Variants in COPG2 observed in about 807,000 individuals in gnomAD.
The protein encoded by COPG2 is coat protein complex I subunit gamma 2, also known as coatomer subunit gamma-2.
A neutral mutation model predicts 46.3 loss-of-function variants in COPG2; 37 were observed. The ratio of observed to expected loss-of-function variants is 0.80; its 90% CI spans 0.61 to 1.05. The LOEUF is 1.05. Among genes scored for constraint, COPG2 ranks in the 50% least tolerant of loss-of-function variants. The pLI is 0.00. For missense variants in COPG2, 427 were observed against 387.8 expected (o/e 1.10, Z -0.85); for synonymous variants, 159 against 129.7 (o/e 1.23, Z -1.53).
chr7:130,597,719 G>A (rs1293175693), intron 9 of COPG2, among the ~76,000 whole-genome samples: 1 of 152,164 alleles, frequency 6.6e-6, no homozygotes, highest in Non-Finnish European at 1.5e-5. Flanking sequence ...AAGAAAAGAT[G>A]AAAACCCTGC....
intron 7 of COPG2, among the ~76,000 whole-genome samples, chr7:130,613,294 G>A (rs1794889016): frequency 6.6e-6 from 1 of 152,158 alleles, no homozygotes; most frequent in African/African-American, 2.4e-5. Context: ...CGGAGCTCAG[G>A]CAGCAATGCT....
At chr7:130,610,712 ATTT>A (rs1253782834) in intron 9 of COPG2, 31 of 632,006 alleles carry the variant, frequency 4.9e-5, no homozygotes, top group Non-Finnish European at 8.0e-5. Flanking sequence ...CAATGCATAT[ATTT>A]TTTGTTCAAT....
intron 4 of COPG2, 115 bp from the exon 5 acceptor site, chr7:130,653,063 G>T: frequency 1.6e-6 from 1 of 639,838 alleles, no homozygotes; most frequent in Non-Finnish European, 2.6e-6. Flanking sequence ...CTTTAAAAGA[G>T]TCTCATCTAC....
chr7:130,644,647 C>T (rs1554457825), intron 5 of COPG2, among the ~76,000 whole-genome samples: 1 of 152,060 alleles, frequency 6.6e-6, no homozygotes, highest in Non-Finnish European at 1.5e-5. Context: ...TAAGTGAATA[C>T]CTTGGAAGCT....
At position 130,560,318 on chromosome 7, in the gene COPG2, C is replaced by T. The variant is rs1364611247; in HGVS notation, c.1128+715G>A. ...TGCAAGACCTCTAGAGTAAACACTACAAAACACTGCTCAGAGAAATTAAAG... is the reference window on the plus strand; with the variant it reads ...TGCAAGACCTCTAGAGTAAACACTATAAAACACTGCTCAGAGAAATTAAAG... On this transcript the variant is annotated intron_variant, in intron 12 of 23. Transcript: ENST00000425248. 4.6e-5 allele frequency among the ~76,000 whole-genome samples: 7 copies of T among 152,104 alleles called. No homozygotes were observed. In the South Asian group the frequency reaches 1.2e-3, roughly 27 times the overall value.
chr7:130,616,123 G>A (rs1162650634), intron 6 of COPG2, among the ~76,000 whole-genome samples: 1 of 152,154 alleles, frequency 6.6e-6, no homozygotes, highest in Non-Finnish European at 1.5e-5. Flanking sequence ...GCCAGGCTGA[G>A]AAGTTTCATT....
At chr7:130,603,801 A>G (rs1554450775) in intron 9 of COPG2, 4 of 518,724 alleles carry the variant, frequency 7.7e-6, no homozygotes, top group South Asian at 5.6e-5. Context: ...TTGATCCTCG[A>G]ACAACATGGG....
chr7:130,526,179 G>A (rs1799772628), intron 20 of COPG2, among the ~76,000 whole-genome samples: 1 of 152,132 alleles, frequency 6.6e-6, no homozygotes, highest in South Asian at 2.1e-4. Flanking sequence ...GGAAGGAAAA[G>A]GCAGCCTAAG....
At position 130,557,832 on chromosome 7, in the gene COPG2, AAAAAAAT is replaced by A. The variant is rs1280582777; in HGVS notation, c.1129-2707_1129-2701del. 9.7e-4 allele frequency among the ~76,000 whole-genome samples: 143 copies of A among 148,106 alleles called. 16 individuals carry two copies. Among genetic ancestry groups the A allele is most frequent in the African/African-American group, 2.7e-3 (109 of 40,572 alleles). On this transcript the variant is annotated intron_variant, in intron 12 of 23. Coordinates refer to ENST00000425248, the MANE Select transcript of COPG2 (RefSeq NM_012133.6). ...AACTCCATCTCAAAAAAAAAAAAAA[AAAAAAAT>A]CATGCAAGAATAGCCAGGAAAACAA... is the stretch of plus-strand genomic sequence containing the variant.
chr7:130,654,827 G>A (rs1795817006), intron 4 of COPG2, among the ~76,000 whole-genome samples: 1 of 123,226 alleles, frequency 8.1e-6, no homozygotes, highest in African/African-American at 2.5e-5. Context: ...CAATGACCCT[G>A]GGTTTTTTTG....
At position 130,509,428 on chromosome 7, in the gene COPG2, A is replaced by G. The variant is rs1228231857; in HGVS notation, c.2150-769T>C. On this transcript the variant is annotated intron_variant, in intron 20 of 23. Coordinates refer to ENST00000425248, the MANE Select transcript of COPG2 (RefSeq NM_012133.6). ...AGAAAAGGCATTTAGGATCTTGTCT[A>G]TGGTCTGGAAAAAGCTTATAGGTAC... 3.0e-5 allele frequency: 12 copies of G among 400,106 alleles called. No homozygotes were observed. In the East Asian group the frequency reaches 7.1e-4, roughly 24 times the overall value. The allele number at this position is 400,106 out of a possible 1,614,324, so 24.8% of individuals were successfully genotyped here. A position where few individuals can be genotyped will look rare whatever the true frequency, so the allele number is the denominator to read the frequency against.
intron 5 of COPG2, among the ~76,000 whole-genome samples, chr7:130,621,738 T>A (rs1795042132): frequency 6.6e-6 from 1 of 151,676 alleles, no homozygotes; most frequent in Non-Finnish European, 1.5e-5. Flanking sequence ...AGGTCAGGAG[T>A]TCGCGACCAG....
chr7:130,542,998 A>G (rs1022732898), intron 20 of COPG2, among the ~76,000 whole-genome samples: 13 of 152,206 alleles, frequency 8.5e-5, no homozygotes, highest in Non-Finnish European at 1.8e-4. Context: ...GGGTAACAAC[A>G]CTTTACCTGT....
intron 20 of COPG2, 35 bp from the exon 21 acceptor site, chr7:130,508,694 G>C: frequency 1.4e-6 from 1 of 727,922 alleles, no homozygotes; most frequent in South Asian, 1.5e-5. Context: ...GCATCAGTGG[G>C]GAGTGCAAGG....
At chr7:130,584,721 A>G (rs1271185049) in intron 9 of COPG2, among the ~76,000 whole-genome samples, 2 of 152,050 alleles carry the variant, frequency 1.3e-5, no homozygotes, top group African/African-American at 4.8e-5. Context: ...AGCTGCAAAA[A>G]AAATAAAATA....
chr7:130,512,233 T>G (rs1350589752), intron 20 of COPG2, among the ~76,000 whole-genome samples: 1 of 151,294 alleles, frequency 6.6e-6, no homozygotes, highest in Non-Finnish European at 1.5e-5. Flanking sequence ...CTCTCCTTGT[T>G]AATATACAAC....
chr7:130,519,243 GGAGT>G (rs1799705974), intron 20 of COPG2, among the ~76,000 whole-genome samples: 1 of 152,054 alleles, frequency 6.6e-6, no homozygotes, highest in Non-Finnish European at 1.5e-5. Flanking sequence ...AGAAAAGGGG[GGAGT>G]GAGAACATAG....
chr7:130,518,499 G>A (rs1799697669), intron 20 of COPG2, among the ~76,000 whole-genome samples: 2 of 152,254 alleles, frequency 1.3e-5, no homozygotes, highest in East Asian at 1.9e-4. Flanking sequence ...GTGGCATTGA[G>A]GGAGTATACC....
At chr7:130,526,500 C>G (rs898000882) in intron 20 of COPG2, among the ~76,000 whole-genome samples, 2 of 151,860 alleles carry the variant, frequency 1.3e-5, no homozygotes, top group Non-Finnish European at 2.9e-5. Flanking sequence ...GGCAGCGCAA[C>G]GGGGGAGTCA....
Sources: gnomAD v4.1 joint callset for allele counts (sites outside exome capture counted in the v4.1 genomes callset) on GRCh38, gnomAD v4.1.1 for gene constraint, MANE v1.5 for transcripts, NCBI Gene and HGNC (gene_info 2026-07-23, HGNC 2026-07-21) for gene names.